KCNQ1OT1: variants seen among roughly 807,000 people sequenced by gnomAD.
KCNQ1OT1 encodes KCNQ1 antisense RNA 2 (non-protein coding).
At position 2,627,701 on chromosome 11, in the gene KCNQ1OT1, T is replaced by G. The variant is rs774112666; in HGVS notation, n.72294A>C. ...GTGTGTGTGTGTGTCTGTATGTATA[T>G]GTATGTGATGTGTTTATTTGGGAAT... On this transcript the variant is annotated non_coding_transcript_exon_variant, in exon 1 of 1. Transcript: ENST00000597346. The surrounding 1 kb of genome is among the most constrained non-coding windows in gnomAD (Gnocchi z 4.9). 3 of 398,462 alleles carry G rather than the reference T, an allele frequency of 7.5e-6. No homozygotes were observed. Among genetic ancestry groups the G allele is most frequent in the Non-Finnish European group, 1.3e-5 (3 of 226,062 alleles). 24.7% of individuals were successfully genotyped at this position (398,462 alleles called of 1,614,324 possible).
At chr11:2,692,894 T>C in exon 1 of KCNQ1OT1, 1 of 398,524 alleles carries the variant, frequency 2.5e-6, no homozygotes, top group Non-Finnish European at 4.4e-6. Flanking sequence ...TGCAGCAAGC[T>C]GGCTAAAATC....
In KCNQ1OT1 at chr11:2,610,773, C is replaced by T. The variant is rs1848968517; in HGVS notation, n.89222G>A. The T allele has an allele frequency of 1.0e-5, 3 of 295,100 alleles. No individual in the cohort carries two copies. In the South Asian group the frequency reaches 4.8e-4, roughly 47 times the overall value. 18.3% of individuals were successfully genotyped at this position (295,100 alleles called of 1,614,324 possible). ...TTTGAGCACTTGGGATCTGTTACCCCACTACTTTCTGGGTACCACTGTTTC... is the reference window on the plus strand; with the variant it reads ...TTTGAGCACTTGGGATCTGTTACCCTACTACTTTCTGGGTACCACTGTTTC... On this transcript the variant is annotated non_coding_transcript_exon_variant, in exon 1 of 1. Transcript: ENST00000597346.
Position 2,682,278 on chromosome 11 carries a change from G to A in KCNQ1OT1, n.17717C>T, listed in dbSNP as rs1178096212. On this transcript the variant is annotated non_coding_transcript_exon_variant, in exon 1 of 1. Transcript: ENST00000597346. The surrounding 1 kb of genome is among the most constrained non-coding windows in gnomAD (Gnocchi z 5.8). ...GCCAATTTCTAAAGCTTAAGACTGG[G>A]CTGTAAAAAATCACATACCTCCCCT... 7.5e-6 allele frequency: 3 copies of A among 398,390 alleles called. No homozygotes were observed. The highest frequency in any genetic ancestry group is 8.8e-5 in the Admixed American group (2 of 22,714). 24.7% of individuals were successfully genotyped at this position (398,390 alleles called of 1,614,324 possible).
exon 1 of KCNQ1OT1, chr11:2,699,297 A>C: frequency 2.5e-6 from 1 of 399,024 alleles, no homozygotes; most frequent in Non-Finnish European, 4.4e-6. Flanking sequence ...GACGCCTGTG[A>C]TCTGGGACGG....
chr11:2,699,772 C>T (rs1850758800), exon 1 of KCNQ1OT1: 6 of 397,304 alleles, frequency 1.5e-5, no homozygotes, highest in South Asian at 1.3e-4. Context: ...CGCTGAGGAG[C>T]CCCGAGGAGA....
exon 1 of KCNQ1OT1, chr11:2,638,543 C>G (rs1056548312): frequency 6.6e-6 from 1 of 152,130 alleles, no homozygotes; most frequent in African/African-American, 2.4e-5. Flanking sequence ...CTGAGAGATC[C>G]GCCGTTAGTC....
At chr11:2,646,044 G>A (rs779808380) in exon 1 of KCNQ1OT1, 7 of 398,512 alleles carry the variant, frequency 1.8e-5, no homozygotes, top group Non-Finnish European at 2.7e-5. Context: ...GCACATCGAG[G>A]AGTCTCTTCA....
exon 1 of KCNQ1OT1, chr11:2,688,481 C>A: frequency 2.5e-6 from 1 of 398,738 alleles, no homozygotes; most frequent in Middle Eastern, 6.3e-4. Context: ...TGAGGCTCTG[C>A]CTCTGGTTGC....
At chr11:2,633,049 C>T (rs544319519) in exon 1 of KCNQ1OT1, 1 of 398,434 alleles carries the variant, frequency 2.5e-6, no homozygotes, top group African/African-American at 2.1e-5. Context: ...GTATTATTTC[C>T]CTTTTCTCTG....
exon 1 of KCNQ1OT1, chr11:2,685,904 G>A (rs947592238): frequency 3.5e-5 from 14 of 398,614 alleles, no homozygotes; most frequent in African/African-American, 1.6e-4. Context: ...TGTTCTCCAC[G>A]GATGAGCCTG....
rs1043220127 is a variant in KCNQ1OT1, at chr11:2,617,967, T to A, written n.82028A>T. On this transcript the variant is annotated non_coding_transcript_exon_variant, in exon 1 of 1. Coordinates refer to ENST00000597346, the Ensembl canonical transcript of KCNQ1OT1. This position sits in a 1 kb window ranked among gnomAD's most constrained non-coding sequence, Gnocchi z 4.6. ...TAAGATATATGGTTGGCAAATATTT[T>A]CTTCTAGTCCATAGGTTGCCTTTTC... 2 of 398,466 alleles carry A rather than the reference T, an allele frequency of 5.0e-6. No individual in the cohort carries two copies. The highest frequency in any genetic ancestry group is 8.8e-6 in the Non-Finnish European group (2 of 226,046). 24.7% of individuals were successfully genotyped at this position (398,466 alleles called of 1,614,324 possible). A position where few individuals can be genotyped will look rare whatever the true frequency, so the allele number is the denominator to read the frequency against.
chr11:2,698,320 G>T lies in KCNQ1OT1; in HGVS notation n.1675C>A, dbSNP rs144550367. 1,093 of 398,568 alleles carry T rather than the reference G, an allele frequency of 2.7e-3. 8 individuals are homozygous for T. Among genetic ancestry groups the T allele is most frequent in the Admixed American group, 7.2e-3 (163 of 22,724 alleles). 24.7% of individuals were successfully genotyped at this position (398,568 alleles called of 1,614,324 possible). A position where few individuals can be genotyped will look rare whatever the true frequency, so the allele number is the denominator to read the frequency against. Reference sequence around the variant, plus strand: ...TATTCTCTTTCATAACCAGAACAGTGCTGTGGGAAGGCACTCTTACTCTCA... The same window carrying T: ...TATTCTCTTTCATAACCAGAACAGTTCTGTGGGAAGGCACTCTTACTCTCA... On this transcript the variant is annotated non_coding_transcript_exon_variant, in exon 1 of 1. Transcript: ENST00000597346. This position sits in a 1 kb window ranked among gnomAD's most constrained non-coding sequence, Gnocchi z 5.1.
chr11:2,660,940 C>T lies in KCNQ1OT1; in HGVS notation n.39055G>A, dbSNP rs566545839. On this transcript the variant is annotated non_coding_transcript_exon_variant, in exon 1 of 1. Coordinates refer to ENST00000597346, the Ensembl canonical transcript of KCNQ1OT1. ...TAAGAGCCTGAATGTCCATGATATA[C>T]AGAATGGTTAGCTGTGGCCAATCTA... 3.9e-4 allele frequency: 155 copies of T among 398,610 alleles called. 2 individuals are homozygous for T. Among genetic ancestry groups the T allele is most frequent in the South Asian group, 1.1e-3 (9 of 7,854 alleles). The allele number at this position is 398,610 out of a possible 1,614,324, so 24.7% of individuals were successfully genotyped here. A position where few individuals can be genotyped will look rare whatever the true frequency, so the allele number is the denominator to read the frequency against.
At chr11:2,660,448 G>A (rs1453660739) in exon 1 of KCNQ1OT1, 1 of 398,456 alleles carries the variant, frequency 2.5e-6, no homozygotes, top group African/African-American at 2.1e-5. Flanking sequence ...TAGGATAAAA[G>A]CAACATAATT....
exon 1 of KCNQ1OT1, chr11:2,640,094 G>T (rs991703621): frequency 3.9e-6 from 1 of 257,248 alleles, no homozygotes. Flanking sequence ...AGTTTTCCAG[G>T]TGCCGTCTGT....
rs763680153 is a variant in KCNQ1OT1, at chr11:2,613,626, C to G, written n.86369G>C. The G allele has an allele frequency of 7.5e-6, 3 of 398,384 alleles. No individual in the cohort carries two copies. Among genetic ancestry groups the G allele is most frequent in the Non-Finnish European group, 1.3e-5 (3 of 226,028 alleles). 24.7% of individuals were successfully genotyped at this position (398,384 alleles called of 1,614,324 possible). The stretch of plus-strand genomic sequence containing the variant: ...ATTTCTTTGTCCAGTTTTATCATTG[C>G]TTTTCAGGGAGTGGTTATATCAAGG... On this transcript the variant is annotated non_coding_transcript_exon_variant, in exon 1 of 1. Coordinates refer to ENST00000597346, the Ensembl canonical transcript of KCNQ1OT1. This position sits in a 1 kb window ranked among gnomAD's most constrained non-coding sequence, Gnocchi z 4.8.
chr11:2,650,989 T>C (rs1435880140), exon 1 of KCNQ1OT1: 3 of 398,588 alleles, frequency 7.5e-6, no homozygotes, highest in African/African-American at 6.2e-5. Context: ...ATCAACTCTC[T>C]GGATTTGCCC....
chr11:2,620,358 A>G lies in KCNQ1OT1; in HGVS notation n.79637T>C. The G allele has an allele frequency of 4.9e-6, 1 of 205,130 alleles. No homozygotes were observed. The highest frequency in any genetic ancestry group is 9.5e-6 in the Non-Finnish European group (1 of 104,776). The allele number at this position is 205,130 out of a possible 1,614,324, so 12.7% of individuals were successfully genotyped here. A position where few individuals can be genotyped will look rare whatever the true frequency, so the allele number is the denominator to read the frequency against. On this transcript the variant is annotated non_coding_transcript_exon_variant, in exon 1 of 1. Coordinates refer to ENST00000597346, the Ensembl canonical transcript of KCNQ1OT1. This position sits in a 1 kb window ranked among gnomAD's most constrained non-coding sequence, Gnocchi z 4.5. Reference sequence around the variant, plus strand: ...CAGCCTCCTGAGTAGCTGGGATTAGAGGCATGCGCCACCACGTCCAGCTAA... The same window carrying G: ...CAGCCTCCTGAGTAGCTGGGATTAGGGGCATGCGCCACCACGTCCAGCTAA...
exon 1 of KCNQ1OT1, chr11:2,634,313 TCCCCCC>T (rs1849416157): frequency 1.9e-3 from 11 of 5,908 alleles, no homozygotes; most frequent in African/African-American, 4.1e-3. Flanking sequence ...ATGCTTTCCC[TCCCCCC>T]TCCCCCCTCC....
Sources: allele counts gnomAD v4.1 joint callset, GRCh38; gene constraint gnomAD v4.1.1; non-coding constraint Gnocchi (gnomAD v3.1); transcripts MANE v1.5; gene names NCBI Gene and HGNC (gene_info 2026-07-23, HGNC 2026-07-21).